CYSTM1: variants seen among roughly 807,000 people sequenced by gnomAD.
CYSTM1 encodes cysteine rich transmembrane module containing 1.
CYSTM1 carries 4 observed loss-of-function variants against 13.1 expected under a neutral mutation model. The observed-to-expected ratio is 0.31, with a 90% confidence interval of 0.15 to 0.70. CYSTM1 has a LOEUF of 0.70. CYSTM1 is among the 30% of genes least tolerant of loss of function. The pLI is 0.72. For synonymous variants in CYSTM1, 36 were observed against 42.7 expected, an observed-to-expected ratio of 0.84 and a Z score of 0.62; for missense variants, 96 against 121.6, an observed-to-expected ratio of 0.79 and a Z score of 0.99.
chr5:140,217,295 G>A (rs868070386), intron 2 of CYSTM1, among the ~76,000 whole-genome samples: 5 of 152,100 alleles, frequency 3.3e-5, no homozygotes, highest in Admixed American at 6.6e-5. Flanking sequence ...TGTTTGTGAA[G>A]GATTAATATT....
chr5:140,226,586 T>TTATATATATATA (rs549334525), intron 2 of CYSTM1, among the ~76,000 whole-genome samples: 14 of 75,276 alleles, frequency 1.9e-4, no homozygotes, highest in African/African-American at 2.4e-4. Flanking sequence ...ATACTAAATA[T>TTATATATATATA]TATATATATA....
At chr5:140,187,698 TAA>T (rs1384094523) in intron 1 of CYSTM1, among the ~76,000 whole-genome samples, 2 of 152,182 alleles carry the variant, frequency 1.3e-5, no homozygotes, top group Non-Finnish European at 2.9e-5. Flanking sequence ...TTTAATTTTA[TAA>T]GTTACCAAGA....
chr5:140,194,366 A>C, intron 1 of CYSTM1, 80 bp from the exon 2 acceptor site: 1 of 1,341,984 alleles, frequency 7.5e-7, no homozygotes, highest in Non-Finnish European at 1.0e-6. Context: ...TATTTTGTAA[A>C]TGATCTTATG....
intron 2 of CYSTM1, 50 bp from the exon 3 acceptor site, chr5:140,243,255 C>T (rs1764773608): frequency 2.0e-6 from 3 of 1,534,156 alleles, no homozygotes; most frequent in Admixed American, 3.4e-5. Context: ...TTTGCAGGGC[C>T]TGGGGTTTGC....
At chr5:140,201,141 T>C (rs1764220747) in intron 2 of CYSTM1, 1 of 152,252 alleles carries the variant, frequency 6.6e-6, no homozygotes, top group South Asian at 2.1e-4. Context: ...GAATAATGGC[T>C]GTTATAAACA....
chr5:140,207,741 C>T (rs1305126703), intron 2 of CYSTM1, among the ~76,000 whole-genome samples: 1 of 152,180 alleles, frequency 6.6e-6, no homozygotes, highest in Non-Finnish European at 1.5e-5. Flanking sequence ...TTTGCAAATG[C>T]CACTTCCTCT....
intron 2 of CYSTM1, among the ~76,000 whole-genome samples, chr5:140,199,627 A>C (rs1227033698): frequency 6.6e-6 from 1 of 152,106 alleles, no homozygotes; most frequent in Non-Finnish European, 1.5e-5. Flanking sequence ...AGTAGCTGGG[A>C]TTACAGGCAT....
At chr5:140,207,296 A>G (rs1207117356) in intron 2 of CYSTM1, among the ~76,000 whole-genome samples, 1 of 152,180 alleles carries the variant, frequency 6.6e-6, no homozygotes, top group African/African-American at 2.4e-5. Flanking sequence ...TCTTGAAAAG[A>G]GCTCAAACAT....
intron 1 of CYSTM1, among the ~76,000 whole-genome samples, chr5:140,193,236 A>G (rs1236506668): frequency 1.3e-5 from 2 of 152,136 alleles, no homozygotes; most frequent in Non-Finnish European, 2.9e-5. Flanking sequence ...TAAGTGAGTC[A>G]TCCTTAGAGT....
chr5:140,199,267 A>G (rs1764198011), intron 2 of CYSTM1, among the ~76,000 whole-genome samples: 1 of 152,180 alleles, frequency 6.6e-6, no homozygotes, highest in Non-Finnish European at 1.5e-5. Flanking sequence ...CAATAAACAT[A>G]CCTGTGCATG....
intron 2 of CYSTM1, chr5:140,202,787 A>AG (rs1272464836): frequency 6.6e-6 from 1 of 152,246 alleles, no homozygotes; most frequent in Non-Finnish European, 1.5e-5. Context: ...GGGAGGGGTC[A>AG]GGAGGCACCT....
At chr5:140,203,200 A>G (rs1426727343) in intron 2 of CYSTM1, 6 of 152,216 alleles carry the variant, frequency 3.9e-5, no homozygotes, top group African/African-American at 1.4e-4. Flanking sequence ...AAAAGAAATG[A>G]AACAAAAAAC....
intron 2 of CYSTM1, among the ~76,000 whole-genome samples, chr5:140,221,304 C>T (rs1764486069): frequency 6.6e-6 from 1 of 152,204 alleles, no homozygotes; most frequent in Non-Finnish European, 1.5e-5. Context: ...ACCGTCACCA[C>T]CACTCATCTC....
At chr5:140,236,771 C>T (rs901342509) in intron 2 of CYSTM1, among the ~76,000 whole-genome samples, 1 of 152,226 alleles carries the variant, frequency 6.6e-6, no homozygotes, top group African/African-American at 2.4e-5. Flanking sequence ...GTCTGCCCAA[C>T]TCCCAAGTTG....
chr5:140,238,282 C>G (rs568034987), intron 2 of CYSTM1, among the ~76,000 whole-genome samples: 7 of 152,282 alleles, frequency 4.6e-5, no homozygotes, highest in African/African-American at 1.7e-4. Context: ...TGTGCTGATT[C>G]TGTCAGCTCC....
chr5:140,186,284 G>A (rs904436457), intron 1 of CYSTM1, among the ~76,000 whole-genome samples: 3 of 152,216 alleles, frequency 2.0e-5, no homozygotes, highest in Non-Finnish European at 2.9e-5. Flanking sequence ...AAAGAATAAC[G>A]ATAGAAAAGG....
chr5:140,234,138 T>A (rs1381875885), intron 2 of CYSTM1, among the ~76,000 whole-genome samples: 1 of 152,238 alleles, frequency 6.6e-6, no homozygotes. Context: ...AGTTTTTGTA[T>A]AAAATGTGAG....
At chr5:140,234,212 C>G (rs970620126) in intron 2 of CYSTM1, among the ~76,000 whole-genome samples, 6 of 152,132 alleles carry the variant, frequency 3.9e-5, no homozygotes, top group Admixed American at 3.9e-4. Context: ...TTTCAAAATG[C>G]TTTCTCCAAT....
intron 2 of CYSTM1, among the ~76,000 whole-genome samples, chr5:140,227,573 T>C (rs964253121): frequency 6.6e-6 from 1 of 152,056 alleles, no homozygotes; most frequent in Non-Finnish European, 1.5e-5. Flanking sequence ...AAGAGGAGCA[T>C]GGTTGTGGGG....
Sources: gnomAD v4.1 joint callset for allele counts (sites outside exome capture counted in the v4.1 genomes callset) on GRCh38, gnomAD v4.1.1 for gene constraint, MANE v1.5 for transcripts, NCBI Gene and HGNC (gene_info 2026-07-23, HGNC 2026-07-21) for gene names.